Variants in COL5A2 observed in about 807,000 individuals in gnomAD.
COL5A2 encodes the protein collagen alpha-2(V) chain.
A neutral mutation model predicts 208.2 loss-of-function variants in COL5A2; 23 were observed. That is an observed-to-expected ratio of 0.11 (90% confidence interval 0.08 to 0.16). COL5A2 has a LOEUF of 0.16. Among genes scored for constraint, COL5A2 ranks in the 10% least tolerant of loss-of-function variants. The pLI is 1.00. For missense variants in COL5A2, 1,590 were observed against 1,956.4 expected, an observed-to-expected ratio of 0.81 and a Z score of 3.53; for synonymous variants, 625 against 628.5, an observed-to-expected ratio of 0.99 and a Z score of 0.08.
intron 1 of COL5A2, among the ~76,000 whole-genome samples, chr2:189,193,840 C>A (rs999281890): frequency 6.6e-6 from 1 of 152,128 alleles, no homozygotes; most frequent in Non-Finnish European, 1.5e-5. Flanking sequence ...TTTTCATATA[C>A]TTTAACCATA....
the COL5A2 span, among the ~76,000 whole-genome samples, chr2:189,389,122 T>C: frequency 6.6e-6 from 1 of 152,214 alleles, no homozygotes; most frequent in Admixed American, 6.5e-5. Flanking sequence ...TCAAAATTAG[T>C]AACAAGTCAT....
chr2:189,364,245 T>G, the COL5A2 span, among the ~76,000 whole-genome samples: 1 of 152,240 alleles, frequency 6.6e-6, no homozygotes, highest in African/African-American at 2.4e-5. Context: ...AGAGTATATC[T>G]GCTTGTGATA....
chr2:189,221,052 T>A (rs1041806581), intron 1 of COL5A2, among the ~76,000 whole-genome samples: 1 of 152,068 alleles, frequency 6.6e-6, no homozygotes, highest in Non-Finnish European at 1.5e-5. Flanking sequence ...AATAAGTAAA[T>A]CCATAGAAGG....
the COL5A2 span, among the ~76,000 whole-genome samples, chr2:189,233,923 G>T: frequency 6.6e-6 from 1 of 151,664 alleles, no homozygotes; most frequent in Non-Finnish European, 1.5e-5. Context: ...TACCCCCATT[G>T]TAAGTCAAGG....
chr2:189,430,554 C>A, the COL5A2 span, among the ~76,000 whole-genome samples: 2 of 152,226 alleles, frequency 1.3e-5, no homozygotes, highest in African/African-American at 2.4e-5. Flanking sequence ...CTGTGCCTGG[C>A]TCCGCAGGAC....
At position 189,039,509 on chromosome 2, in the gene COL5A2, T is replaced by A. The variant is rs767234623; in HGVS notation, c.3688A>T (p.Thr1230Ser). The change falls in exon 51 of 54, where the codon ACA becomes TCA. Residue 1230 changes from threonine (T) to serine (S), a missense_variant. Physicochemically the swap from Thr to Ser is moderately conservative, Grantham distance 58. Transcript: ENST00000374866. The part of the protein sequence containing the change: ...PGPPGPPGHL[T>S]AALGDIMGHY... Reference sequence around the variant, plus strand: ...CCCATGATATCCCCAAGAGCAGCTGTAAGGTGGCCAGGGGGACCCGGAGGG... The same window carrying A: ...CCCATGATATCCCCAAGAGCAGCTGAAAGGTGGCCAGGGGGACCCGGAGGG... 3 of 1,613,970 alleles carry A rather than the reference T, an allele frequency of 1.9e-6. No individual in the cohort carries two copies. Among genetic ancestry groups the A allele is most frequent in the South Asian group, 2.2e-5 (2 of 91,054 alleles).
chr2:189,277,408 A>T, the COL5A2 span, among the ~76,000 whole-genome samples: 1 of 152,138 alleles, frequency 6.6e-6, no homozygotes, highest in Non-Finnish European at 1.5e-5. Flanking sequence ...TAACAGGTTG[A>T]AAACGCAAAG....
At chr2:189,101,706 A>G (rs748854932) in intron 3 of COL5A2, among the ~76,000 whole-genome samples, 31 of 152,076 alleles carry the variant, frequency 2.0e-4, no homozygotes, top group Admixed American at 3.9e-4. Context: ...GGGCGGAACT[A>G]ATAATAACTC....
chr2:189,412,510 C>T, the COL5A2 span, among the ~76,000 whole-genome samples: 1 of 152,144 alleles, frequency 6.6e-6, no homozygotes, highest in Non-Finnish European at 1.5e-5. Flanking sequence ...AAGCATAATG[C>T]AAACCTGCAA....
At chr2:189,244,903 G>A in the COL5A2 span, among the ~76,000 whole-genome samples, 1 of 152,160 alleles carries the variant, frequency 6.6e-6, no homozygotes, top group East Asian at 1.9e-4. Flanking sequence ...CATGTGGCTG[G>A]AGAGGCCTCA....
the COL5A2 span, among the ~76,000 whole-genome samples, chr2:189,288,258 T>C: frequency 1.3e-5 from 2 of 152,356 alleles, no homozygotes; most frequent in East Asian, 1.9e-4. Flanking sequence ...CAAACAAGTC[T>C]AGTCTTTGTC....
At chr2:189,283,012 T>A in the COL5A2 span, among the ~76,000 whole-genome samples, 1 of 152,162 alleles carries the variant, frequency 6.6e-6, no homozygotes, top group African/African-American at 2.4e-5. Context: ...ATAAGCAACA[T>A]TCAATCACTG....
the COL5A2 span, among the ~76,000 whole-genome samples, chr2:189,344,269 C>T: frequency 2.7e-4 from 41 of 152,116 alleles, no homozygotes; most frequent in African/African-American, 9.9e-4. Flanking sequence ...GAATGTTGGA[C>T]GAAACAGTTT....
chr2:189,066,311 T>G, intron 23 of COL5A2, 79 bp downstream of exon 23: 1 of 1,287,744 alleles, frequency 7.8e-7, no homozygotes, highest in South Asian at 1.2e-5. Flanking sequence ...TTAACTGTTC[T>G]AGTTTTCCTT....
At chr2:189,044,910 C>T (rs1685632700) in intron 47 of COL5A2, among the ~76,000 whole-genome samples, 1 of 151,824 alleles carries the variant, frequency 6.6e-6, no homozygotes, top group Non-Finnish European at 1.5e-5. Flanking sequence ...CACTATAATT[C>T]CTATTATTTT....
intron 1 of COL5A2, among the ~76,000 whole-genome samples, chr2:189,188,132 C>A (rs966739286): frequency 1.3e-5 from 2 of 152,060 alleles, no homozygotes; most frequent in Admixed American, 1.3e-4. Context: ...ATAATTTCAT[C>A]TTTTTAGGTG....
chr2:189,208,307 T>A (rs547508247), intron 1 of COL5A2, among the ~76,000 whole-genome samples: 3 of 152,296 alleles, frequency 2.0e-5, no homozygotes, highest in African/African-American at 7.2e-5. Context: ...CAATGTCCAT[T>A]ACATAATAAG....
chr2:189,198,735 T>A (rs76994379), intron 1 of COL5A2, among the ~76,000 whole-genome samples: 3 of 151,712 alleles, frequency 2.0e-5, no homozygotes, highest in South Asian at 2.1e-4. Context: ...AAAACATATA[T>A]GTTTTCATTT....
intron 1 of COL5A2, among the ~76,000 whole-genome samples, chr2:189,203,786 A>C (rs996470111): frequency 1.2e-4 from 19 of 152,264 alleles, no homozygotes; most frequent in African/African-American, 4.3e-4. Flanking sequence ...TAAAAGTGAA[A>C]TATCTCACAC....
Sources: allele counts gnomAD v4.1 joint callset (sites outside exome capture counted in the v4.1 genomes callset), GRCh38; gene constraint gnomAD v4.1.1; transcripts MANE v1.5; gene names NCBI Gene and HGNC (gene_info 2026-07-23, HGNC 2026-07-21).